Variants in DENND1A observed in about 807,000 individuals in gnomAD.
The protein encoded by DENND1A is DENN domain-containing protein 1A.
DENND1A carries 51 observed loss-of-function variants against 113.7 expected under a neutral mutation model. That is an observed-to-expected ratio of 0.45 (90% CI 0.36 to 0.57). The LOEUF is 0.57. DENND1A is among the 20% of genes least tolerant of loss of function. The pLI is 0.00. For synonymous variants in DENND1A, 565 were observed against 570.8 expected, an observed-to-expected ratio of 0.99 and a Z score of 0.14; for missense variants, 1,258 against 1,395.9, an observed-to-expected ratio of 0.90 and a Z score of 1.57.
intron 12 of DENND1A, among the ~76,000 whole-genome samples, chr9:123,562,930 A>G (rs1031341387): frequency 1.3e-5 from 2 of 152,174 alleles, no homozygotes; most frequent in Non-Finnish European, 2.9e-5. Context: ...CAGTGTACTC[A>G]TGCAGTACTT....
chr9:123,455,113 C>T (rs548774651), intron 15 of DENND1A, among the ~76,000 whole-genome samples: 5 of 152,332 alleles, frequency 3.3e-5, no homozygotes, highest in South Asian at 4.1e-4. Flanking sequence ...TGAGCCACCA[C>T]GCTTGGCCGA....
In DENND1A at chr9:123,382,474, A is replaced by AG; in HGVS notation, c.2170dup (p.Leu724ProfsTer23). On this transcript the variant is annotated frameshift_variant, in exon 24 of 24. Coordinates refer to ENST00000394215, the MANE Select transcript of DENND1A (RefSeq NM_001352964.2). LOFTEE classifies it high-confidence loss of function. ...AGGCAGGGCCAGGGAGTTTCCGAGC[A>AG]GGGCTGAGGGCTTCTCAGGGGAGGC... 1 of 1,613,564 alleles carries AG rather than the reference A, an allele frequency of 6.2e-7. No homozygotes were observed. The highest frequency in any genetic ancestry group is 8.5e-7 in the Non-Finnish European group (1 of 1,179,770).
At chr9:123,885,031 TCA>T (rs551601639) in intron 1 of DENND1A, among the ~76,000 whole-genome samples, 1 of 118,226 alleles carries the variant, frequency 8.5e-6, no homozygotes, top group African/African-American at 3.8e-5. Context: ...ACACACACAC[TCA>T]CTCTCTCTCT....
intron 4 of DENND1A, among the ~76,000 whole-genome samples, chr9:123,768,876 T>C (rs1447836870): frequency 1.3e-5 from 2 of 151,070 alleles, no homozygotes; most frequent in Non-Finnish European, 3.0e-5. Flanking sequence ...CCTCAGACTA[T>C]TTTAATTGTC....
intron 13 of DENND1A, among the ~76,000 whole-genome samples, chr9:123,536,466 CAAA>C (rs549789129): frequency 5.4e-5 from 5 of 91,762 alleles, no homozygotes; most frequent in Non-Finnish European, 9.6e-5. Flanking sequence ...ACTCTGTCTC[CAAA>C]AAAAAAAAAA....
At chr9:123,626,785 T>C (rs763023943) in intron 10 of DENND1A, among the ~76,000 whole-genome samples, 11 of 152,142 alleles carry the variant, frequency 7.2e-5, no homozygotes, top group Admixed American at 2.6e-4. Context: ...CCTAAGCACA[T>C]GTGCAGGAGA....
chr9:123,675,762 A>G (rs1217631922), intron 6 of DENND1A, among the ~76,000 whole-genome samples: 1 of 152,210 alleles, frequency 6.6e-6, no homozygotes, highest in African/African-American at 2.4e-5. Context: ...ACTCTCTTAC[A>G]TTGCTGGTAA....
chr9:123,719,458 C>G (rs900808524), intron 5 of DENND1A, among the ~76,000 whole-genome samples: 1 of 152,312 alleles, frequency 6.6e-6, no homozygotes, highest in Middle Eastern at 3.4e-3. Flanking sequence ...GTATCACACA[C>G]AGAGCTGGCA....
At chr9:123,853,698 C>G (rs934646005) in intron 2 of DENND1A, among the ~76,000 whole-genome samples, 1 of 152,064 alleles carries the variant, frequency 6.6e-6, no homozygotes, top group Non-Finnish European at 1.5e-5. Context: ...CTAGCTAGCA[C>G]TCAGGTTTTA....
chr9:123,681,569 T>A (rs79866057), intron 5 of DENND1A, among the ~76,000 whole-genome samples: 452 of 152,228 alleles, frequency 3.0e-3, no homozygotes, highest in African/African-American at 0.01. Context: ...GAACCAGGTA[T>A]CTTACTATCA....
intron 22 of DENND1A, among the ~76,000 whole-genome samples, chr9:123,386,381 CTTT>C (rs34797849): frequency 3.7e-5 from 5 of 135,168 alleles, no homozygotes; most frequent in East Asian, 2.2e-4. Context: ...TCTTTTCTTT[CTTT>C]TTTTTTTTTT....
At chr9:123,540,038 G>C (rs1271157007) in intron 13 of DENND1A, among the ~76,000 whole-genome samples, 2 of 152,164 alleles carry the variant, frequency 1.3e-5, no homozygotes, top group African/African-American at 4.8e-5. Context: ...TGTAAACAGT[G>C]TCAGCATGAT....
At position 123,381,345 on chromosome 9, in the gene DENND1A, C is replaced by T. The variant is rs557614403; in HGVS notation, c.*87G>A. Reference sequence around the variant, plus strand: ...TCCCTTCCCACCAGCAGAACCTGGGCAGAGAGAGAGTGGCGGGGGAGCCTC... The same window carrying T: ...TCCCTTCCCACCAGCAGAACCTGGGTAGAGAGAGAGTGGCGGGGGAGCCTC... On this transcript the variant is annotated 3_prime_UTR_variant, in exon 24 of 24. Coordinates refer to ENST00000394215, the MANE Select transcript of DENND1A (RefSeq NM_001352964.2). The surrounding 1 kb of genome is among the most constrained non-coding windows in gnomAD (Gnocchi z 4.7). 4 of 1,343,088 alleles carry T rather than the reference C, an allele frequency of 3.0e-6. No homozygotes were observed. Among genetic ancestry groups the T allele is most frequent in the African/African-American group, 1.4e-5 (1 of 69,756 alleles). The allele number at this position is 1,343,088 out of a possible 1,614,324, so 83.2% of individuals were successfully genotyped here. A position where few individuals can be genotyped will look rare whatever the true frequency, so the allele number is the denominator to read the frequency against.
intron 1 of DENND1A, among the ~76,000 whole-genome samples, chr9:123,916,371 C>CT (rs545019678): frequency 0.24 from 30,441 of 126,582 alleles, 6,607 homozygotes; most frequent in African/African-American, 0.58. Flanking sequence ...TACGTATTTG[C>CT]TTTTTTTTTT....
At chr9:123,893,168 A>G (rs1311140168) in intron 1 of DENND1A, among the ~76,000 whole-genome samples, 5 of 152,218 alleles carry the variant, frequency 3.3e-5, no homozygotes, top group Admixed American at 2.0e-4. Context: ...AACATTTAAG[A>G]TAGATATGAT....
chr9:123,736,789 G>A (rs773869702), intron 5 of DENND1A, among the ~76,000 whole-genome samples: 16 of 152,194 alleles, frequency 1.1e-4, no homozygotes, highest in South Asian at 2.1e-4. Flanking sequence ...CAGTCTTAAG[G>A]GACACTGACA....
At chr9:123,533,533 G>C (rs912283137) in intron 13 of DENND1A, among the ~76,000 whole-genome samples, 1 of 152,200 alleles carries the variant, frequency 6.6e-6, no homozygotes, top group African/African-American at 2.4e-5. Flanking sequence ...ACTGCAGAAA[G>C]ACAGACCTCT....
intron 16 of DENND1A, 104 bp downstream of exon 16, chr9:123,454,635 G>C: frequency 2.6e-6 from 3 of 1,166,028 alleles, no homozygotes; most frequent in Non-Finnish European, 3.8e-6. Flanking sequence ...CTCCAGCAGA[G>C]AGAATGGAGT....
At chr9:123,587,035 C>T (rs1460139768) in intron 11 of DENND1A, among the ~76,000 whole-genome samples, 2 of 151,622 alleles carry the variant, frequency 1.3e-5, no homozygotes, top group African/African-American at 4.9e-5. Flanking sequence ...AAATAATAGA[C>T]ACACACGAGA....
Sources: gnomAD v4.1 joint callset for allele counts (sites outside exome capture counted in the v4.1 genomes callset) on GRCh38, gnomAD v4.1.1 for gene constraint, Gnocchi (gnomAD v3.1) non-coding constraint, MANE v1.5 for transcripts, NCBI Gene and HGNC (gene_info 2026-07-23, HGNC 2026-07-21) for gene names.